SGCZ: variants seen among roughly 807,000 people sequenced by gnomAD.
SGCZ encodes the protein zeta-sarcoglycan.
Under a neutral mutation model 41.3 loss-of-function variants are expected in SGCZ, and 40 were observed. The observed-to-expected ratio is 0.97, with a 90% CI of 0.75 to 1.26. SGCZ has a LOEUF of 1.26. Ranked by LOEUF, SGCZ falls within the 50% of genes most tolerant of loss-of-function variation. The pLI is 0.00. For synonymous variants in SGCZ, 206 were observed against 137.5 expected, an observed-to-expected ratio of 1.50 and a Z score of -3.49; for missense variants, 552 against 369.8, an observed-to-expected ratio of 1.49 and a Z score of -4.04.
At chr8:14,381,495 C>G (rs1264074650) in intron 2 of SGCZ, among the ~76,000 whole-genome samples, 1 of 152,082 alleles carries the variant, frequency 6.6e-6, no homozygotes, top group African/African-American at 2.4e-5. Flanking sequence ...CCCATAGCAG[C>G]CAGGCACGGT....
intron 1 of SGCZ, among the ~76,000 whole-genome samples, chr8:14,837,551 G>T (rs1320544670): frequency 6.6e-6 from 1 of 152,122 alleles, no homozygotes; most frequent in African/African-American, 2.4e-5. Flanking sequence ...ATGTACAATG[G>T]AGGCAAAACT....
intron 5 of SGCZ, among the ~76,000 whole-genome samples, chr8:14,134,441 T>A (rs1803133816): frequency 6.6e-6 from 1 of 152,178 alleles, no homozygotes; most frequent in African/African-American, 2.4e-5. Flanking sequence ...AAAGTGAACA[T>A]ATGAATATAT....
chr8:15,062,077 G>C (rs985369789), intron 1 of SGCZ, among the ~76,000 whole-genome samples: 3 of 152,140 alleles, frequency 2.0e-5, no homozygotes, highest in Non-Finnish European at 4.4e-5. Flanking sequence ...TTAGTTGAAA[G>C]AGTAAAAATT....
intron 1 of SGCZ, among the ~76,000 whole-genome samples, chr8:15,029,167 C>A (rs1415050352): frequency 6.6e-6 from 1 of 151,964 alleles, no homozygotes; most frequent in Non-Finnish European, 1.5e-5. Context: ...AACCAAACAG[C>A]AAGCAATACA....
At chr8:14,826,765 AC>A (rs1424228590) in intron 1 of SGCZ, among the ~76,000 whole-genome samples, 2 of 152,080 alleles carry the variant, frequency 1.3e-5, no homozygotes, top group Non-Finnish European at 2.9e-5. Context: ...TCCTTTGCCG[AC>A]TTTTTGATGG....
At chr8:14,502,423 C>T (rs11780008) in intron 2 of SGCZ, among the ~76,000 whole-genome samples, 1 of 152,150 alleles carries the variant, frequency 6.6e-6, no homozygotes, top group African/African-American at 2.4e-5. Context: ...AGGGTTATAT[C>T]TACAATACAA....
At chr8:14,711,598 T>TAAAAAAAAA in intron 1 of SGCZ, among the ~76,000 whole-genome samples, 1 of 80,294 alleles carries the variant, frequency 1.2e-5, no homozygotes, top group Non-Finnish European at 2.4e-5. Flanking sequence ...TGAGACTCTG[T>TAAAAAAAAA]AAAAAAAAAA....
intron 4 of SGCZ, among the ~76,000 whole-genome samples, chr8:14,197,157 G>T (rs1805291805): frequency 6.6e-6 from 1 of 152,168 alleles, no homozygotes; most frequent in Admixed American, 6.5e-5. Context: ...TAAGGAAAGT[G>T]AAGGTCCGGA....
chr8:14,671,876 T>A (rs1402392155), intron 1 of SGCZ, among the ~76,000 whole-genome samples: 1 of 152,186 alleles, frequency 6.6e-6, no homozygotes, highest in Non-Finnish European at 1.5e-5. Context: ...GGAATATGTC[T>A]TCCCAACATA....
intron 1 of SGCZ, among the ~76,000 whole-genome samples, chr8:14,631,242 C>T (rs998157613): frequency 6.6e-6 from 1 of 151,568 alleles, no homozygotes; most frequent in Non-Finnish European, 1.5e-5. Flanking sequence ...GTTAAGTGAT[C>T]GGCTAATGTA....
chr8:15,035,246 C>A (rs148358747), intron 1 of SGCZ, among the ~76,000 whole-genome samples: 2 of 152,036 alleles, frequency 1.3e-5, no homozygotes, highest in Non-Finnish European at 2.9e-5. Flanking sequence ...GTGTTTAATG[C>A]AATTAAAGCT....
At chr8:15,061,793 T>C (rs10101583) in intron 1 of SGCZ, among the ~76,000 whole-genome samples, 80,143 of 151,928 alleles carry the variant, frequency 0.53, 22,281 homozygotes, top group Admixed American at 0.63. Flanking sequence ...CTATCATTTA[T>C]AAACTACCCA....
At position 15,051,718 on chromosome 8, in the gene SGCZ, T is replaced by A. The variant is rs909207843; in HGVS notation, c.39+185867A>T. 3.3e-5 allele frequency among the ~76,000 whole-genome samples: 5 copies of A among 152,226 alleles called. No homozygotes were observed. The East Asian group carries it at 9.6e-4, about 29-fold the overall frequency. On this transcript the variant is annotated intron_variant, in intron 1 of 7. Transcript: ENST00000382080. ...CACCCTGACTGTGAGTGATATCTCA[T>A]TGTGGTTTTAACTTTTGCTTTATTG... is the stretch of plus-strand genomic sequence containing the variant.
intron 4 of SGCZ, among the ~76,000 whole-genome samples, chr8:14,206,166 A>T (rs962395929): frequency 7.9e-5 from 12 of 152,160 alleles, no homozygotes; most frequent in African/African-American, 2.9e-4. Flanking sequence ...TTAATATTAG[A>T]AAACATCATA....
intron 5 of SGCZ, among the ~76,000 whole-genome samples, chr8:14,128,811 G>C (rs1215906737): frequency 6.6e-6 from 1 of 152,066 alleles, no homozygotes; most frequent in African/African-American, 2.4e-5. Flanking sequence ...GGAACTGAAG[G>C]TGATCATCAT....
intron 1 of SGCZ, among the ~76,000 whole-genome samples, chr8:14,926,036 G>C (rs1386852619): frequency 6.6e-6 from 1 of 152,152 alleles, no homozygotes; most frequent in Admixed American, 6.6e-5. Context: ...TTAACTATGT[G>C]AAGAATGTAA....
chr8:14,339,321 G>A (rs944549572), intron 2 of SGCZ, among the ~76,000 whole-genome samples: 13 of 152,182 alleles, frequency 8.5e-5, no homozygotes, highest in Admixed American at 3.3e-4. Flanking sequence ...TCTTCTCTAT[G>A]TGAATGTTAA....
At chr8:14,327,382 C>T (rs1802159431) in intron 2 of SGCZ, among the ~76,000 whole-genome samples, 1 of 152,166 alleles carries the variant, frequency 6.6e-6, no homozygotes, top group Admixed American at 6.5e-5. Flanking sequence ...ATGGAATTTT[C>T]TGGACTAAAT....
chr8:14,776,208 C>A (rs1800396390), intron 1 of SGCZ, among the ~76,000 whole-genome samples: 1 of 152,142 alleles, frequency 6.6e-6, no homozygotes, highest in South Asian at 2.1e-4. Flanking sequence ...CCACCCAAAT[C>A]TTACTTTGAA....
Sources: allele counts gnomAD v4.1 joint callset (sites outside exome capture counted in the v4.1 genomes callset), GRCh38; gene constraint gnomAD v4.1.1; transcripts MANE v1.5; gene names NCBI Gene and HGNC (gene_info 2026-07-23, HGNC 2026-07-21).